Variants in ZFPM2 observed in about 807,000 individuals in gnomAD.
ZFPM2 encodes zinc finger protein, FOG family member 2, also known as zinc finger protein ZFPM2.
ZFPM2 carries 20 observed loss-of-function variants against 98.6 expected under a neutral mutation model. The ratio of observed to expected loss-of-function variants is 0.20; its 90% CI spans 0.14 to 0.29. The LOEUF (loss-of-function observed/expected upper bound fraction) is 0.29. ZFPM2 is among the 10% of genes least tolerant of loss of function. The pLI, the probability that ZFPM2 is intolerant of heterozygous loss-of-function variation, is 1.00. For synonymous variants in ZFPM2, 518 were observed against 502.7 expected (o/e 1.03, Z -0.41); for missense variants, 1,310 against 1,388.6 (o/e 0.94, Z 0.90).
At chr8:105,760,589 A>T (rs1563552410) in intron 5 of ZFPM2, among the ~76,000 whole-genome samples, 1 of 152,090 alleles carries the variant, frequency 6.6e-6, no homozygotes, top group Admixed American at 6.6e-5. Context: ...TAGTGTTTAG[A>T]CCAAGGCAAG....
chr8:105,535,959 TA>T (rs1370510153), intron 3 of ZFPM2, among the ~76,000 whole-genome samples: 1 of 152,330 alleles, frequency 6.6e-6, no homozygotes, highest in Admixed American at 6.5e-5. Context: ...ATGAATACTT[TA>T]ATTAGAGATG....
At chr8:105,512,766 C>T (rs906892467) in intron 3 of ZFPM2, among the ~76,000 whole-genome samples, 25 of 152,100 alleles carry the variant, frequency 1.6e-4, no homozygotes, top group African/African-American at 4.8e-4. Flanking sequence ...ATAACTGTAT[C>T]TTTGATATAA....
At chr8:105,362,317 A>G (rs1810418724) in intron 1 of ZFPM2, among the ~76,000 whole-genome samples, 1 of 152,016 alleles carries the variant, frequency 6.6e-6, no homozygotes, top group Admixed American at 6.6e-5. Context: ...AGGTGACAAT[A>G]ACTATACTGG....
chr8:105,667,783 T>C (rs542790927), intron 5 of ZFPM2, among the ~76,000 whole-genome samples: 1 of 152,330 alleles, frequency 6.6e-6, no homozygotes, highest in Non-Finnish European at 1.5e-5. Context: ...TTTTTTGTTT[T>C]AAAAGATAGT....
intron 1 of ZFPM2, among the ~76,000 whole-genome samples, chr8:105,372,434 T>C (rs574417486): frequency 2.6e-5 from 4 of 152,206 alleles, no homozygotes; most frequent in Non-Finnish European, 5.9e-5. Context: ...GCATGTTTAT[T>C]ATTTAGTATT....
chr8:105,593,002 C>A (rs1055614768), intron 4 of ZFPM2, among the ~76,000 whole-genome samples: 10 of 152,194 alleles, frequency 6.6e-5, no homozygotes, highest in Non-Finnish European at 1.2e-4. Flanking sequence ...ATTTAGGTTT[C>A]TGATAGCAGC....
intron 1 of ZFPM2, among the ~76,000 whole-genome samples, chr8:105,349,165 A>ATT (rs35028737): frequency 2.0e-5 from 3 of 151,906 alleles, no homozygotes; most frequent in Non-Finnish European, 4.4e-5. Flanking sequence ...TAGGTTCTGG[A>ATT]TTTTTTTAAG....
intron 3 of ZFPM2, among the ~76,000 whole-genome samples, chr8:105,489,731 T>C (rs1813320495): frequency 6.6e-6 from 1 of 151,796 alleles, no homozygotes; most frequent in Non-Finnish European, 1.5e-5. Flanking sequence ...CCCAAAGTGC[T>C]GGGATTACAG....
chr8:105,634,507 TA>T (rs1816811568), intron 5 of ZFPM2, 150 bp downstream of exon 5: 2 of 640,342 alleles, frequency 3.1e-6, no homozygotes, highest in African/African-American at 1.8e-5. Flanking sequence ...GTATTTTCAG[TA>T]AAGCCACCTG....
At chr8:105,376,979 G>C (rs1029666764) in intron 1 of ZFPM2, among the ~76,000 whole-genome samples, 2 of 152,136 alleles carry the variant, frequency 1.3e-5, no homozygotes, top group African/African-American at 4.8e-5. Flanking sequence ...TTCCTGCTCA[G>C]CTCTCTGTCC....
chr8:105,496,146 T>G (rs1813462798), intron 3 of ZFPM2, among the ~76,000 whole-genome samples: 1 of 152,148 alleles, frequency 6.6e-6, no homozygotes, highest in East Asian at 1.9e-4. Flanking sequence ...TTAGGTTTTG[T>G]ATCTTTTTTA....
intron 1 of ZFPM2, among the ~76,000 whole-genome samples, chr8:105,324,892 T>C (rs1350794541): frequency 6.6e-6 from 1 of 151,916 alleles, no homozygotes; most frequent in East Asian, 1.9e-4. Context: ...GTGTGAAGAA[T>C]ATAACATTAG....
At chr8:105,656,125 C>G (rs1430898107) in intron 5 of ZFPM2, among the ~76,000 whole-genome samples, 1 of 151,736 alleles carries the variant, frequency 6.6e-6, no homozygotes, top group Admixed American at 6.6e-5. Flanking sequence ...TAAACCGATT[C>G]AAAAGTCAAA....
intron 3 of ZFPM2, among the ~76,000 whole-genome samples, chr8:105,467,123 C>T (rs1812810020): frequency 6.6e-6 from 1 of 152,078 alleles, no homozygotes; most frequent in Non-Finnish European, 1.5e-5. Context: ...CTTGTGAGAA[C>T]TGCCCCTCAC....
intron 5 of ZFPM2, among the ~76,000 whole-genome samples, 200 bp from the exon 6 acceptor site, chr8:105,788,518 C>T (rs1813490554): frequency 6.6e-6 from 1 of 152,090 alleles, no homozygotes; most frequent in Non-Finnish European, 1.5e-5. Context: ...CTTCTGGTCA[C>T]TAAATCGTTC....
chr8:105,352,755 C>T (rs1466321252), intron 1 of ZFPM2, among the ~76,000 whole-genome samples: 2 of 152,012 alleles, frequency 1.3e-5, no homozygotes, highest in African/African-American at 4.8e-5. Flanking sequence ...AGATTTTTGT[C>T]CTGCATTGTT....
intron 6 of ZFPM2, among the ~76,000 whole-genome samples, chr8:105,797,766 G>A (rs1813876297): frequency 6.6e-6 from 1 of 152,140 alleles, no homozygotes; most frequent in South Asian, 2.1e-4. Flanking sequence ...CTCAGGCTGA[G>A]CTCATCATCT....
intron 2 of ZFPM2, among the ~76,000 whole-genome samples, chr8:105,427,109 C>A (rs1811930437): frequency 6.6e-6 from 1 of 152,004 alleles, no homozygotes; most frequent in Non-Finnish European, 1.5e-5. Context: ...TTTAAAAAAC[C>A]ACAATTGTTG....
At chr8:105,565,250 AAC>A (rs1387860730) in intron 4 of ZFPM2, among the ~76,000 whole-genome samples, 1 of 152,182 alleles carries the variant, frequency 6.6e-6, no homozygotes, top group Non-Finnish European at 1.5e-5. Flanking sequence ...CATTTTAAAA[AAC>A]ACAGAAACAC....
Sources: allele counts gnomAD v4.1 joint callset (sites outside exome capture counted in the v4.1 genomes callset), GRCh38; gene constraint gnomAD v4.1.1; transcripts MANE v1.5; gene names NCBI Gene and HGNC (gene_info 2026-07-23, HGNC 2026-07-21).